Variants in SOX5 observed in about 807,000 individuals in gnomAD.
SOX5 encodes transcription factor SOX-5.
SOX5 carries 9 observed loss-of-function variants against 92.0 expected under a neutral mutation model. The ratio of observed to expected loss-of-function variants is 0.10; its 90% confidence interval spans 0.06 to 0.17. The LOEUF (loss-of-function observed/expected upper bound fraction) is 0.17. SOX5 is among the 10% of genes least tolerant of loss of function. SOX5 has a pLI of 1.00. For synonymous variants in SOX5, 344 were observed against 336.3 expected, an observed-to-expected ratio of 1.02 and a Z score of -0.25; for missense variants, 642 against 944.5, an observed-to-expected ratio of 0.68 and a Z score of 4.20.
At chr12:24,117,749 T>C (rs1266518417) in intron 4 of SOX5, among the ~76,000 whole-genome samples, 4 of 152,042 alleles carry the variant, frequency 2.6e-5, no homozygotes, top group African/African-American at 9.7e-5. Context: ...CTCACTTACA[T>C]GTGGAACCTA....
intron 6 of SOX5, among the ~76,000 whole-genome samples, chr12:23,702,982 T>C (rs568556236): frequency 3.0e-4 from 46 of 152,164 alleles, no homozygotes; most frequent in African/African-American, 1.1e-3. Flanking sequence ...TTTGAATTCC[T>C]GAAAGACTGA....
intron 1 of SOX5, among the ~76,000 whole-genome samples, chr12:23,945,506 T>C (rs1332914107): frequency 1.3e-5 from 2 of 152,178 alleles, no homozygotes; most frequent in African/African-American, 2.4e-5. Context: ...TATTCCAGCA[T>C]GAGAGTGATA....
intron 10 of SOX5, among the ~76,000 whole-genome samples, chr12:23,564,891 A>G (rs937853833): frequency 1.3e-5 from 2 of 152,194 alleles, no homozygotes; most frequent in African/African-American, 2.4e-5. Context: ...AAACGTTTCT[A>G]TTGAAGAAAC....
Position 24,393,676 on chromosome 12 carries a change from G to A in SOX5, c.-250-25037C>T, listed in dbSNP as rs1959190738. ...CTTGTCATGGAAACTAGTGCTTAATGTAGAAATTATTAAAATTTGGCAAAA... is the reference window on the plus strand; with the variant it reads ...CTTGTCATGGAAACTAGTGCTTAATATAGAAATTATTAAAATTTGGCAAAA... On this transcript the variant is annotated intron_variant, in intron 1 of 4. Coordinates refer to the SOX5 transcript ENST00000446891. This position sits in a 1 kb window ranked among gnomAD's most constrained non-coding sequence, Gnocchi z 5.0. Among the ~76,000 whole-genome samples, 1 of 152,144 alleles carries A rather than the reference G, an allele frequency of 6.6e-6. No homozygotes were observed. The highest frequency in any genetic ancestry group is 2.1e-4 in the South Asian group (1 of 4,828).
chr12:23,760,197 A>G (rs2094524961), intron 3 of SOX5, among the ~76,000 whole-genome samples: 1 of 152,094 alleles, frequency 6.6e-6, no homozygotes, highest in Non-Finnish European at 1.5e-5. Flanking sequence ...ATGCTGCCAG[A>G]TACAATTTTG....
At position 24,529,962 on chromosome 12, in the gene SOX5, G is replaced by A. The variant is rs186388430; in HGVS notation, c.-251+32367C>T. 2.7e-3 allele frequency among the ~76,000 whole-genome samples: 380 copies of A among 140,138 alleles called. 1 individual carries two copies. Among genetic ancestry groups the A allele is most frequent in the African/African-American group, 9.5e-3 (355 of 37,484 alleles). 91.9% of individuals were successfully genotyped at this position (140,138 alleles called of 152,430 possible). ...GTGAACCCGGGAGGCAGAGCTTGCA[G>A]TGAGCTGAGATCACGCCACTGCACT... On this transcript the variant is annotated intron_variant, in intron 1 of 4. Coordinates refer to the SOX5 transcript ENST00000446891.
At chr12:23,828,231 G>A (rs1228459495) in intron 3 of SOX5, among the ~76,000 whole-genome samples, 2 of 152,164 alleles carry the variant, frequency 1.3e-5, no homozygotes, top group Non-Finnish European at 2.9e-5. Context: ...TTATGTGTAA[G>A]TGAACTCTAT....
At chr12:24,223,134 A>G (rs1172332998) in intron 3 of SOX5, 1 of 152,218 alleles carries the variant, frequency 6.6e-6, no homozygotes, top group Non-Finnish European at 1.5e-5. Context: ...ATCCTTCCAG[A>G]CAGATGAAAT....
At chr12:24,171,198 T>C (rs1384162179) in intron 4 of SOX5, among the ~76,000 whole-genome samples, 2 of 142,148 alleles carry the variant, frequency 1.4e-5, no homozygotes, top group Non-Finnish European at 3.1e-5. Context: ...TTTTATTTCA[T>C]TGGCCAACAG....
intron 4 of SOX5, among the ~76,000 whole-genome samples, chr12:23,746,139 T>A (rs528478987): frequency 2.0e-5 from 3 of 152,302 alleles, no homozygotes; most frequent in South Asian, 4.1e-4. Context: ...TCCCACGGCT[T>A]CATCTCTAAA....
At chr12:23,808,718 C>A (rs541557446) in intron 3 of SOX5, among the ~76,000 whole-genome samples, 2 of 152,142 alleles carry the variant, frequency 1.3e-5, no homozygotes, top group African/African-American at 2.4e-5. Context: ...ACAGTCTTAT[C>A]GTAATCCATT....
chr12:23,586,509 G>A (rs892331587), intron 9 of SOX5, among the ~76,000 whole-genome samples: 3 of 152,024 alleles, frequency 2.0e-5, no homozygotes, highest in Non-Finnish European at 4.4e-5. Context: ...ATTTCATTTC[G>A]TTCGGATTAT....
intron 3 of SOX5, among the ~76,000 whole-genome samples, chr12:24,247,959 T>C (rs1015666461): frequency 6.6e-6 from 1 of 152,052 alleles, no homozygotes; most frequent in Non-Finnish European, 1.5e-5. Context: ...CAGCCAGCAA[T>C]GGTCTCTTGA....
chr12:24,554,097 GGT>G (rs1953503373), intron 1 of SOX5, among the ~76,000 whole-genome samples: 1 of 152,160 alleles, frequency 6.6e-6, no homozygotes, highest in Admixed American at 6.5e-5. Context: ...GAATGCCAAT[GGT>G]GCACAGGAAT....
At chr12:23,630,382 T>G (rs2078377115) in intron 8 of SOX5, among the ~76,000 whole-genome samples, 1 of 151,924 alleles carries the variant, frequency 6.6e-6, no homozygotes, top group Non-Finnish European at 1.5e-5. Context: ...CTCCCATAGA[T>G]TCTTGCGATG....
At chr12:24,031,620 T>A (rs1378617488) in intron 4 of SOX5, among the ~76,000 whole-genome samples, 1 of 151,874 alleles carries the variant, frequency 6.6e-6, no homozygotes, top group East Asian at 1.9e-4. Context: ...GTTTCTAACT[T>A]ACAAGTCAGT....
At chr12:24,409,950 T>C (rs1476815435) in intron 1 of SOX5, among the ~76,000 whole-genome samples, 1 of 150,810 alleles carries the variant, frequency 6.6e-6, no homozygotes, top group African/African-American at 2.4e-5. Context: ...AGCTTGGTTT[T>C]TCGTCTGTAG....
intron 3 of SOX5, among the ~76,000 whole-genome samples, chr12:24,215,126 C>A (rs1286071316): frequency 6.6e-6 from 1 of 152,120 alleles, no homozygotes; most frequent in East Asian, 1.9e-4. Flanking sequence ...TAAAGACCAT[C>A]TATGAAAAAT....
chr12:23,938,831 T>A (rs1170494889), intron 1 of SOX5, among the ~76,000 whole-genome samples: 2 of 151,054 alleles, frequency 1.3e-5, no homozygotes, highest in South Asian at 4.1e-4. Context: ...TTTAAAACAA[T>A]TATATTAACT....
Sources: gnomAD v4.1 joint callset for allele counts (sites outside exome capture counted in the v4.1 genomes callset) on GRCh38, gnomAD v4.1.1 for gene constraint, Gnocchi (gnomAD v3.1) non-coding constraint, MANE v1.5 for transcripts, NCBI Gene and HGNC (gene_info 2026-07-23, HGNC 2026-07-21) for gene names.